HDX: variants seen among roughly 807,000 people sequenced by gnomAD.
The protein encoded by HDX is chromosome X open reading frame 43.
HDX carries 19 observed loss-of-function variants against 45.2 expected under a neutral mutation model. The ratio of observed to expected loss-of-function variants is 0.42; its 90% CI spans 0.29 to 0.62. HDX has a LOEUF of 0.62. HDX is among the 20% of genes least tolerant of loss of function. HDX has a pLI of 0.20. For missense variants in HDX, 532 were observed against 493.9 expected (o/e 1.08, Z -0.73); for synonymous variants, 188 against 172.8 (o/e 1.09, Z -0.69).
intron 5 of HDX, among the ~76,000 whole-genome samples, chrX:84,401,188 C>T (rs1264464899): frequency 1.8e-5 from 2 of 111,641 alleles, no homozygotes; most frequent in Non-Finnish European, 3.8e-5. Context: ...GCAACAAAAG[C>T]CAAAATTGAC....
At chrX:84,377,789 A>G (rs995258914) in intron 5 of HDX, among the ~76,000 whole-genome samples, 2 of 111,667 alleles carry the variant, frequency 1.8e-5, no homozygotes, top group Middle Eastern at 4.6e-3. Flanking sequence ...TCTAAGAGTT[A>G]TTGGCCTTAA....
intron 6 of HDX, among the ~76,000 whole-genome samples, chrX:84,356,749 A>C (rs1470128993): frequency 9.5e-6 from 1 of 105,687 alleles, no homozygotes; most frequent in Non-Finnish European, 1.9e-5. Context: ...CAGCTTCCCG[A>C]GTAGCTGGGA....
chrX:84,350,382 C>A (rs745341765), intron 6 of HDX, among the ~76,000 whole-genome samples: 1 of 110,907 alleles, frequency 9.0e-6, no homozygotes, highest in East Asian at 2.8e-4. Context: ...TACTAATATT[C>A]TTCTATGTAA....
At chrX:84,361,058 T>G (rs770669773) in intron 6 of HDX, among the ~76,000 whole-genome samples, 17 of 111,852 alleles carry the variant, frequency 1.5e-4, no homozygotes, top group African/African-American at 5.5e-4. Flanking sequence ...AATTTCTCCA[T>G]ATCCTGGCCA....
intron 4 of HDX, among the ~76,000 whole-genome samples, chrX:84,457,868 T>C (rs2040147362): frequency 8.9e-6 from 1 of 112,092 alleles, no homozygotes; most frequent in South Asian, 3.7e-4. Flanking sequence ...CATGCTAACG[T>C]TTTGTTTCTT....
At chrX:84,491,294 C>A (rs775003765) in intron 1 of HDX, among the ~76,000 whole-genome samples, 1 of 110,919 alleles carries the variant, frequency 9.0e-6, no homozygotes, top group Non-Finnish European at 1.9e-5. Flanking sequence ...TATATTTTTT[C>A]TTCTGCAGTA....
chrX:84,458,118 T>TG (rs35272545), intron 4 of HDX, among the ~76,000 whole-genome samples: 5,440 of 111,661 alleles, frequency 0.049, 293 homozygotes, highest in African/African-American at 0.16. Flanking sequence ...TCTTATTTTC[T>TG]GAAGAAGGCC....
intron 5 of HDX, among the ~76,000 whole-genome samples, chrX:84,413,738 G>A (rs1341799402): frequency 1.8e-5 from 2 of 111,506 alleles, no homozygotes; most frequent in Non-Finnish European, 3.8e-5. Context: ...CATTTTTGTG[G>A]TTTTAAATAA....
chrX:84,367,091 A>G (rs1230259514), intron 5 of HDX, among the ~76,000 whole-genome samples: 1 of 112,042 alleles, frequency 8.9e-6, no homozygotes, highest in Non-Finnish European at 1.9e-5. Flanking sequence ...CATTTTTGCA[A>G]TCTGCCCAGC....
At chrX:84,419,704 A>G (rs4828265) in intron 5 of HDX, among the ~76,000 whole-genome samples, 20,515 of 111,281 alleles carry the variant, frequency 0.18, 1,364 homozygotes, top group South Asian at 0.32. Context: ...AGCAGGACTT[A>G]GGTGATACCC....
intron 4 of HDX, among the ~76,000 whole-genome samples, chrX:84,449,510 A>T (rs2039949702): frequency 8.9e-6 from 1 of 112,241 alleles, no homozygotes; most frequent in Non-Finnish European, 1.9e-5. Flanking sequence ...GTGGAATGGT[A>T]TCTTCAAAGA....
chrX:84,449,374 C>T (rs895149762), intron 4 of HDX, among the ~76,000 whole-genome samples: 39 of 111,504 alleles, frequency 3.5e-4, no homozygotes, highest in African/African-American at 1.3e-3. Context: ...TACAGTAAAA[C>T]TGTCAAAAGT....
At chrX:84,500,803 A>G (rs892402325) in intron 1 of HDX, among the ~76,000 whole-genome samples, 1 of 111,988 alleles carries the variant, frequency 8.9e-6, no homozygotes, top group Non-Finnish European at 1.9e-5. Context: ...CTGCATTACA[A>G]TGAGGCCAGA....
Position 84,469,527 on chromosome X carries a change from A to C in HDX, c.196T>G (p.Ser66Ala). The change falls in exon 4 of 11, where the codon TCT (serine) becomes GCT (alanine). Residue 66 changes from serine (S) to alanine (A), a missense_variant. By Grantham distance (99) the Ser-to-Ala change is moderately conservative. Around this residue, in one of 3 missense-constraint regions of HDX, gnomAD observed 376 missense variants for 343.7 expected, o/e 1.09. Transcript: ENST00000373177. ...RRKMSSKNSESGTATTGTSLS... is the reference protein window; with the variant it reads ...RRKMSSKNSEAGTATTGTSLS... ...GAGGTTCCTGTTGTTGCTGTTCCAG[A>C]TTCAGAGTTCTTACTACTCATCTTT... 1 of 1,206,247 alleles carries C rather than the reference A, an allele frequency of 8.3e-7. No individual in the cohort carries two copies. The highest frequency in any genetic ancestry group is 1.7e-5 in the African/African-American group (1 of 57,720).
At chrX:84,322,325 C>G (rs1198515159) in intron 10 of HDX, among the ~76,000 whole-genome samples, 1 of 110,906 alleles carries the variant, frequency 9.0e-6, no homozygotes, top group Non-Finnish European at 1.9e-5. Flanking sequence ...GATTTTCATA[C>G]TAGTTTTGAG....
chrX:84,415,316 A>C (rs1366574351), intron 5 of HDX, among the ~76,000 whole-genome samples: 1 of 112,127 alleles, frequency 8.9e-6, no homozygotes, highest in Non-Finnish European at 1.9e-5. Flanking sequence ...GAAAGTTACA[A>C]AAGGGAAGAA....
chrX:84,396,704 T>TTA (rs1323230593), intron 5 of HDX, among the ~76,000 whole-genome samples: 2 of 111,732 alleles, frequency 1.8e-5, no homozygotes, highest in Non-Finnish European at 3.8e-5. Context: ...CTCCAGGTCC[T>TTA]CAGGTAGTGT....
At chrX:84,439,761 G>A (rs1190000541) in intron 5 of HDX, among the ~76,000 whole-genome samples, 2 of 111,099 alleles carry the variant, frequency 1.8e-5, no homozygotes, top group Admixed American at 1.9e-4. Context: ...TGGTCTATGT[G>A]TCTGTTTTAG....
At chrX:84,496,496 C>T (rs1453489617) in intron 1 of HDX, among the ~76,000 whole-genome samples, 12 of 110,218 alleles carry the variant, frequency 1.1e-4, no homozygotes, top group Non-Finnish European at 1.9e-4. Context: ...TGCTACCACT[C>T]TATGGAACAC....
Sources: gnomAD v4.1 joint callset for allele counts (sites outside exome capture counted in the v4.1 genomes callset) on GRCh38, gnomAD v4.1.1 for gene constraint, gnomAD v4.1.1 regional missense constraint, MANE v1.5 for transcripts, NCBI Gene and HGNC (gene_info 2026-07-23, HGNC 2026-07-21) for gene names.